NKAIN2: variants seen among roughly 807,000 people sequenced by gnomAD.
The protein encoded by NKAIN2 is sodium/potassium transporting ATPase interacting 2, also known as sodium/potassium-transporting ATPase subunit beta-1-interacting protein 2.
A neutral mutation model predicts 32.6 loss-of-function variants in NKAIN2; 14 were observed. That is an observed-to-expected ratio of 0.43 (90% CI 0.28 to 0.67). The LOEUF (loss-of-function observed/expected upper bound fraction) is 0.67. NKAIN2 is among the 30% of genes least tolerant of loss of function. The pLI is 0.17. For synonymous variants in NKAIN2, 80 were observed against 87.2 expected (o/e 0.92, Z 0.46); for missense variants, 198 against 258.3 (o/e 0.77, Z 1.60).
chr6:124,637,427 GA>G (rs1208265970), intron 3 of NKAIN2, among the ~76,000 whole-genome samples: 5 of 151,700 alleles, frequency 3.3e-5, no homozygotes, highest in Non-Finnish European at 7.4e-5. Context: ...ATCCAAATTG[GA>G]AAAAAAGGAA....
chr6:124,219,229 T>A (rs73561257), intron 1 of NKAIN2, among the ~76,000 whole-genome samples: 1 of 152,130 alleles, frequency 6.6e-6, no homozygotes, highest in Non-Finnish European at 1.5e-5. Flanking sequence ...AATTTATTTA[T>A]TAACTCATTG....
intron 1 of NKAIN2, among the ~76,000 whole-genome samples, chr6:124,033,471 C>T (rs143569057): frequency 6.6e-6 from 1 of 152,076 alleles, no homozygotes; most frequent in Admixed American, 6.6e-5. Context: ...ATTTAGAGCC[C>T]TTGGACATCA....
chr6:123,907,624 A>C (rs1196652974), intron 1 of NKAIN2, among the ~76,000 whole-genome samples: 2 of 152,184 alleles, frequency 1.3e-5, no homozygotes, highest in Admixed American at 6.5e-5. Flanking sequence ...CTTATATATC[A>C]CTAAGAAATA....
At chr6:124,048,965 C>G (rs1042639013) in intron 1 of NKAIN2, among the ~76,000 whole-genome samples, 4 of 151,884 alleles carry the variant, frequency 2.6e-5, no homozygotes, top group African/African-American at 9.7e-5. Context: ...AAAGAGAGTA[C>G]GTAGAATCAG....
intron 4 of NKAIN2, among the ~76,000 whole-genome samples, chr6:124,707,116 T>A (rs1215633262): frequency 6.6e-6 from 1 of 151,790 alleles, no homozygotes; most frequent in East Asian, 1.9e-4. Flanking sequence ...TTGCGATAGT[T>A]TACTGAGAAT....
chr6:124,571,646 T>C (rs1781131870), intron 3 of NKAIN2, among the ~76,000 whole-genome samples: 1 of 152,150 alleles, frequency 6.6e-6, no homozygotes, highest in Non-Finnish European at 1.5e-5. Flanking sequence ...GTTAACCCTC[T>C]TTTTCTTCCC....
At chr6:123,975,315 A>G (rs1778511701) in intron 1 of NKAIN2, among the ~76,000 whole-genome samples, 1 of 152,172 alleles carries the variant, frequency 6.6e-6, no homozygotes, top group African/African-American at 2.4e-5. Flanking sequence ...CTTGAATGTG[A>G]AAAAAATTAT....
At chr6:124,804,790 G>C (rs185803266) in intron 5 of NKAIN2, among the ~76,000 whole-genome samples, 1 of 152,178 alleles carries the variant, frequency 6.6e-6, no homozygotes, top group African/African-American at 2.4e-5. Context: ...ACTCCCACCC[G>C]AATACTGCAC....
chr6:124,135,587 A>G (rs1349848635), intron 1 of NKAIN2, among the ~76,000 whole-genome samples: 3 of 151,510 alleles, frequency 2.0e-5, no homozygotes, highest in Non-Finnish European at 4.4e-5. Context: ...AAATACCACA[A>G]TTCTAAATAT....
intron 5 of NKAIN2, among the ~76,000 whole-genome samples, chr6:124,797,169 CA>C (rs563319426): frequency 0.076 from 6,588 of 87,120 alleles, 104 homozygotes; most frequent in Middle Eastern, 0.12. Context: ...TCCATGTTAG[CA>C]AAAAAAAAAA....
chr6:124,228,612 C>A (rs924492880), intron 1 of NKAIN2, among the ~76,000 whole-genome samples: 3 of 152,112 alleles, frequency 2.0e-5, no homozygotes, highest in African/African-American at 7.2e-5. Flanking sequence ...ATTAAACTAA[C>A]CATTGTCCAT....
intron 1 of NKAIN2, among the ~76,000 whole-genome samples, chr6:123,988,411 C>T (rs1398886067): frequency 6.6e-6 from 1 of 152,040 alleles, no homozygotes; most frequent in Non-Finnish European, 1.5e-5. Flanking sequence ...TGTGTTGTTC[C>T]ACAGAAGAGG....
intron 4 of NKAIN2, among the ~76,000 whole-genome samples, chr6:124,720,868 C>T (rs1214797372): frequency 6.6e-6 from 1 of 152,142 alleles, no homozygotes; most frequent in African/African-American, 2.4e-5. Flanking sequence ...ATCTAGGTCC[C>T]AGTATTAAAA....
At chr6:124,300,681 G>C (rs1005668346) in intron 2 of NKAIN2, among the ~76,000 whole-genome samples, 1 of 152,172 alleles carries the variant, frequency 6.6e-6, no homozygotes, top group Non-Finnish European at 1.5e-5. Context: ...GGTCCAGGCC[G>C]AGGTGGTCTC....
At chr6:124,512,382 T>C (rs1778747551) in intron 3 of NKAIN2, among the ~76,000 whole-genome samples, 1 of 152,126 alleles carries the variant, frequency 6.6e-6, no homozygotes, top group Non-Finnish European at 1.5e-5. Context: ...GTCATTTATG[T>C]TTCAATAAGA....
chr6:123,816,318 T>G (rs1197248362), intron 1 of NKAIN2, among the ~76,000 whole-genome samples: 1 of 152,110 alleles, frequency 6.6e-6, no homozygotes, highest in Non-Finnish European at 1.5e-5. Flanking sequence ...TCTATAGGTC[T>G]CTGTAGATGT....
intron 6 of NKAIN2, among the ~76,000 whole-genome samples, chr6:124,820,345 A>G (rs534547656): frequency 2.3e-4 from 35 of 152,340 alleles, no homozygotes; most frequent in African/African-American, 7.7e-4. Context: ...GAATAACTCT[A>G]TTTAATTTTA....
At chr6:123,970,576 C>T (rs115748070) in intron 1 of NKAIN2, among the ~76,000 whole-genome samples, 1,586 of 151,966 alleles carry the variant, frequency 0.01, 30 homozygotes, top group African/African-American at 0.035. Context: ...TTTCATTGTT[C>T]TTTAGAAATA....
intron 1 of NKAIN2, among the ~76,000 whole-genome samples, chr6:123,819,550 A>T (rs1773838651): frequency 6.6e-6 from 1 of 152,188 alleles, no homozygotes; most frequent in Non-Finnish European, 1.5e-5. Context: ...TCTAATTAGA[A>T]AATACAGTCT....
Sources: allele counts gnomAD v4.1 joint callset (sites outside exome capture counted in the v4.1 genomes callset), GRCh38; gene constraint gnomAD v4.1.1; transcripts MANE v1.5; gene names NCBI Gene and HGNC (gene_info 2026-07-23, HGNC 2026-07-21).